KIAA0408: variants seen among roughly 807,000 people sequenced by gnomAD.
The protein encoded by KIAA0408 is uncharacterized protein KIAA0408.
In KIAA0408, 51 loss-of-function variants were observed where a neutral mutation model predicts 60.9. The ratio of observed to expected loss-of-function variants is 0.84; its 90% CI spans 0.67 to 1.06. The LOEUF (loss-of-function observed/expected upper bound fraction) is 1.06. Among genes scored for constraint, KIAA0408 ranks in the 50% least tolerant of loss-of-function variants. KIAA0408 has a pLI of 0.00. For missense variants in KIAA0408, 787 were observed against 833.9 expected (o/e 0.94, Z 0.69); for synonymous variants, 304 against 282.4 (o/e 1.08, Z -0.77).
At chr6:127,446,331 G>T in intron 5 of KIAA0408, 77 bp downstream of exon 5, 1 of 1,529,708 alleles carries the variant, frequency 6.5e-7, no homozygotes, top group South Asian at 1.3e-5. Context: ...CTATTTATAT[G>T]AATTGGACAT....
At position 127,447,047 on chromosome 6, in the gene KIAA0408, AT is replaced by A; in HGVS notation, c.1271del (p.Asn424IlefsTer97). ...SVAESSSPLR[N>X]FSCGFERTTR... Reference sequence around the variant, plus strand: ...TAGTCCTTTCAAAGCCACAACTGAAATTTCTAAGTGGGCTACTGCTCTCTGC... The same window carrying A: ...TAGTCCTTTCAAAGCCACAACTGAAATTCTAAGTGGGCTACTGCTCTCTGC... On this transcript the variant is annotated frameshift_variant, in exon 5 of 6. Coordinates refer to ENST00000483725, the MANE Select transcript of KIAA0408 (RefSeq NM_014702.5). LOFTEE classifies it high-confidence loss of function. The A allele has an allele frequency of 6.2e-7, 1 of 1,613,308 alleles. No individual in the cohort carries two copies. Among genetic ancestry groups the A allele is most frequent in the South Asian group, 1.1e-5 (1 of 90,926 alleles).
intron 1 of KIAA0408, among the ~76,000 whole-genome samples, chr6:127,458,292 A>G (rs761925783): frequency 3.9e-5 from 6 of 152,190 alleles, no homozygotes; most frequent in Non-Finnish European, 7.3e-5. Context: ...TTCACTTGCA[A>G]TTGAATCTTT....
chr6:127,446,311 T>G, intron 5 of KIAA0408, 97 bp downstream of exon 5: 3 of 1,511,388 alleles, frequency 2.0e-6, no homozygotes, highest in Non-Finnish European at 2.6e-6. Context: ...CCAAAACTTG[T>G]GCCCTCATTC....
At chr6:127,451,950 G>C (rs965026662) in intron 2 of KIAA0408, among the ~76,000 whole-genome samples, 1 of 152,068 alleles carries the variant, frequency 6.6e-6, no homozygotes, top group Non-Finnish European at 1.5e-5. Context: ...AGACTACAGT[G>C]TGGAAAAAAA....
At position 127,440,048 on chromosome 6, in the gene KIAA0408, A is replaced by G. The variant is rs1773079602; in HGVS notation, c.*4061T>C. On this transcript the variant is annotated 3_prime_UTR_variant, in exon 6 of 6. Coordinates refer to ENST00000483725, the MANE Select transcript of KIAA0408 (RefSeq NM_014702.5). The stretch of plus-strand genomic sequence containing the variant: ...TCTAGATTTCTCCATAGCTTCATAT[A>G]AACAGATTTTTTTCCTAAGAATTTG... The G allele has an allele frequency of 6.6e-6, 1 of 152,192 alleles. No individual in the cohort carries two copies. Among genetic ancestry groups the G allele is most frequent in the African/African-American group, 2.4e-5 (1 of 41,446 alleles). 9.4% of individuals were successfully genotyped at this position (152,192 alleles called of 1,614,324 possible). A position where few individuals can be genotyped will look rare whatever the true frequency, so the allele number is the denominator to read the frequency against.
Position 127,443,905 on chromosome 6 carries a change from G to A in KIAA0408, c.*204C>T. 1.8e-6 allele frequency: 1 copy of A among 548,166 alleles called. No individual in the cohort carries two copies. The highest frequency in any genetic ancestry group is 1.9e-5 in the African/African-American group (1 of 51,946). The allele number at this position is 548,166 out of a possible 1,614,324, so 34.0% of individuals were successfully genotyped here. ...ACTTATATTGTATTGGAAAACTAAT[G>A]AGGATGGCATTAAAAAATTCTGATC... On this transcript the variant is annotated 3_prime_UTR_variant, in exon 6 of 6. Transcript: ENST00000483725.
intron 5 of KIAA0408, 146 bp from the exon 6 acceptor site, chr6:127,444,428 T>C (rs957777317): frequency 1.6e-6 from 1 of 619,060 alleles, no homozygotes; most frequent in Admixed American, 3.7e-5. Context: ...AGTTGTCTAA[T>C]ATTTGTGGTT....
intron 4 of KIAA0408, among the ~76,000 whole-genome samples, chr6:127,448,040 C>T (rs1257215024): frequency 6.6e-6 from 1 of 152,122 alleles, no homozygotes; most frequent in Non-Finnish European, 1.5e-5. Context: ...ACTATGTAGT[C>T]TCCTGGGTTT....
intron 5 of KIAA0408, 91 bp from the exon 6 acceptor site, chr6:127,444,373 T>A: frequency 1.0e-6 from 1 of 969,094 alleles, no homozygotes; most frequent in Non-Finnish European, 1.5e-6. Context: ...ATTAGTCCGT[T>A]AGTAAATTTA....
rs950939997 is a variant in KIAA0408 at position 127,438,633 on chromosome 6, C to A, written c.*5476G>T. 1 of 152,150 alleles carries A rather than the reference C, an allele frequency of 6.6e-6. No individual in the cohort carries two copies. The highest frequency in any genetic ancestry group is 2.4e-5 in the African/African-American group (1 of 41,418). The allele number at this position is 152,150 out of a possible 1,614,324, so 9.4% of individuals were successfully genotyped here. On this transcript the variant is annotated 3_prime_UTR_variant, in exon 6 of 6. Coordinates refer to ENST00000483725, the MANE Select transcript of KIAA0408 (RefSeq NM_014702.5). Reference sequence around the variant, plus strand: ...GTAGGCTTGAAAGTATGATCTATTGCTCCTAGGCTACAAACCTGTACAGCA... The same window carrying A: ...GTAGGCTTGAAAGTATGATCTATTGATCCTAGGCTACAAACCTGTACAGCA...
intron 2 of KIAA0408, among the ~76,000 whole-genome samples, chr6:127,453,068 C>G (rs1034829095): frequency 1.3e-5 from 2 of 152,018 alleles, no homozygotes; most frequent in African/African-American, 4.8e-5. Context: ...GCCAAGAAGT[C>G]TTAAAATAAC....
intron 4 of KIAA0408, 102 bp from the exon 5 acceptor site, chr6:127,447,842 G>C (rs761701996): frequency 1.2e-5 from 17 of 1,369,436 alleles, no homozygotes; most frequent in Non-Finnish European, 1.6e-5. Flanking sequence ...ATAAGAAAAG[G>C]ATTCACAACT....
At chr6:127,458,847 T>G (rs1773439748) in intron 1 of KIAA0408, among the ~76,000 whole-genome samples, 2 of 152,346 alleles carry the variant, frequency 1.3e-5, no homozygotes, top group South Asian at 4.1e-4. Flanking sequence ...ATAAATATAC[T>G]TAGTGAAAAT....
intron 2 of KIAA0408, chr6:127,451,084 C>T (rs979406772): frequency 3.2e-6 from 1 of 314,006 alleles, no homozygotes; most frequent in Non-Finnish European, 6.2e-6. Context: ...TGCACACACT[C>T]ATTCAGTTCA....
intron 2 of KIAA0408, chr6:127,451,192 A>G (rs1304263552): frequency 4.8e-6 from 2 of 414,562 alleles, no homozygotes; most frequent in African/African-American, 4.1e-5. Flanking sequence ...TATCAAAGCA[A>G]ATGACTCTAT....
At chr6:127,454,122 G>A (rs562400989) in intron 1 of KIAA0408, 21 bp from the exon 2 acceptor site, 393 of 1,348,940 alleles carry the variant, frequency 2.9e-4, no homozygotes, top group Non-Finnish European at 3.7e-4. Context: ...CATAACAAGA[G>A]AGAGTTCCAA....
In KIAA0408 at chr6:127,449,479, G is replaced by A. The variant is rs548156456; in HGVS notation, c.578+343C>T. 1.2e-3 allele frequency among the ~76,000 whole-genome samples: 188 copies of A among 151,948 alleles called. 1 individual carries two copies. Among genetic ancestry groups the A allele is most frequent in the African/African-American group, 4.2e-3 (174 of 41,440 alleles). ...ATGCTGGCCAACATGGTGAAATCCCGTCTCTACTAAAAATACAAAAAAACT... is the reference window on the plus strand; with the variant it reads ...ATGCTGGCCAACATGGTGAAATCCCATCTCTACTAAAAATACAAAAAAACT... On this transcript the variant is annotated intron_variant, in intron 4 of 5. Transcript: ENST00000483725.
intron 2 of KIAA0408, among the ~76,000 whole-genome samples, chr6:127,451,848 T>C (rs1470963729): frequency 7.9e-5 from 12 of 152,164 alleles, no homozygotes; most frequent in Admixed American, 2.0e-4. Context: ...ATGTTATTGA[T>C]GGAAAACTAT....
chr6:127,443,317 T>C lies in KIAA0408; in HGVS notation c.*792A>G, dbSNP rs533601103. The C allele has an allele frequency of 1.3e-5, 2 of 152,304 alleles. No individual in the cohort carries two copies. The highest frequency in any genetic ancestry group is 6.5e-5 in the Admixed American group (1 of 15,300). The allele number at this position is 152,304 out of a possible 1,614,324, so 9.4% of individuals were successfully genotyped here. On this transcript the variant is annotated 3_prime_UTR_variant, in exon 6 of 6. Coordinates refer to ENST00000483725, the MANE Select transcript of KIAA0408 (RefSeq NM_014702.5). ...TAATCATGTCATTTATAATGCAGTC[T>C]CATGATACTGTCTCTGAGGATCAAA...
Sources: gnomAD v4.1 joint callset for allele counts (sites outside exome capture counted in the v4.1 genomes callset) on GRCh38, gnomAD v4.1.1 for gene constraint, MANE v1.5 for transcripts, NCBI Gene and HGNC (gene_info 2026-07-23, HGNC 2026-07-21) for gene names.